The following HIP1 variants were observed in gnomAD, a reference collection of about 807,000 sequenced individuals.
The protein encoded by HIP1 is huntingtin-interacting protein 1.
In HIP1, 65 loss-of-function variants were observed where a neutral mutation model predicts 147.6. The observed-to-expected ratio is 0.44, with a 90% CI of 0.36 to 0.54. HIP1 has a LOEUF of 0.54. Ranked by LOEUF, HIP1 falls within the 20% of genes least tolerant of loss-of-function variation. The pLI is 0.00. For synonymous variants in HIP1, 479 were observed against 504.0 expected (o/e 0.95, Z 0.67); for missense variants, 1,061 against 1,299.6 (o/e 0.82, Z 2.82).
At chr7:75,638,095 GAC>G (rs1393011637) in intron 1 of HIP1, among the ~76,000 whole-genome samples, 2 of 145,330 alleles carry the variant, frequency 1.4e-5, no homozygotes, top group African/African-American at 5.1e-5. Context: ...AGACCCGCCT[GAC>G]ACACAGGCCC....
intron 1 of HIP1, among the ~76,000 whole-genome samples, chr7:75,690,226 T>A (rs1197178760): frequency 6.6e-6 from 1 of 151,118 alleles, no homozygotes; most frequent in Non-Finnish European, 1.5e-5. Context: ...CAGCAGGGGG[T>A]GGTGATTGCA....
chr7:75,669,387 A>G (rs1799668969), intron 1 of HIP1, among the ~76,000 whole-genome samples: 1 of 151,688 alleles, frequency 6.6e-6, no homozygotes, highest in African/African-American at 2.4e-5. Context: ...AAACAAAACA[A>G]AACAAAACAA....
chr7:75,547,899 G>C, intron 23 of HIP1, 86 bp from the exon 24 acceptor site: 2 of 1,232,438 alleles, frequency 1.6e-6, no homozygotes, highest in Non-Finnish European at 2.4e-6. Context: ...CCAACATCGT[G>C]TGGTAGCTGG....
intron 1 of HIP1, among the ~76,000 whole-genome samples, chr7:75,660,146 A>G (rs1320135172): frequency 6.7e-6 from 1 of 149,922 alleles, no homozygotes; most frequent in African/African-American, 2.5e-5. Context: ...CAAAACACAC[A>G]AAAAAACTCA....
chr7:75,650,453 C>CTTTTTTTTTTTTTTTTTTT (rs782108312), intron 1 of HIP1, among the ~76,000 whole-genome samples: 2 of 126,530 alleles, frequency 1.6e-5, no homozygotes, highest in African/African-American at 6.2e-5. Context: ...GCCCAGTTAT[C>CTTTTTTTTTTTTTTTTTTT]TTTTTTTTTT....
chr7:75,664,246 CTA>C (rs1260821022), intron 1 of HIP1, among the ~76,000 whole-genome samples: 1 of 137,102 alleles, frequency 7.3e-6, no homozygotes, highest in Non-Finnish European at 1.6e-5. Context: ...CATACACATA[CTA>C]TATACACACA....
chr7:75,601,673 A>T (rs1796981412), intron 1 of HIP1, among the ~76,000 whole-genome samples: 1 of 151,816 alleles, frequency 6.6e-6, no homozygotes, highest in Non-Finnish European at 1.5e-5. Context: ...GAATTCACCC[A>T]CTCTCATGCA....
At position 75,534,527 on chromosome 7, in the gene HIP1, G is replaced by A. The variant is rs1051924277; in HGVS notation, c.*3645C>T. 3.4e-5 allele frequency: 6 copies of A among 176,292 alleles called. No individual in the cohort carries two copies. The highest frequency in any genetic ancestry group is 7.2e-5 in the African/African-American group (3 of 41,888). 10.9% of individuals were successfully genotyped at this position (176,292 alleles called of 1,614,324 possible). On this transcript the variant is annotated 3_prime_UTR_variant, in exon 31 of 31. Transcript: ENST00000336926. ...TGGCTCACTACAACCTCTGTCCCCC[G>A]GGTTCAAGTGATTCTCCTGCCTCAG... is the stretch of plus-strand genomic sequence containing the variant.
intron 1 of HIP1, among the ~76,000 whole-genome samples, chr7:75,708,303 CT>C (rs1347430954): frequency 1.3e-5 from 2 of 151,994 alleles, no homozygotes; most frequent in African/African-American, 4.8e-5. Flanking sequence ...TGTAGGTTGC[CT>C]TTTTTAATGT....
intron 1 of HIP1, among the ~76,000 whole-genome samples, chr7:75,719,039 C>T (rs140572281): frequency 1.4e-4 from 22 of 152,108 alleles, no homozygotes; most frequent in African/African-American, 5.1e-4. Flanking sequence ...TAGAGCTGGC[C>T]TCATACAGTG....
At chr7:75,587,212 A>G (rs781788318) in intron 4 of HIP1, among the ~76,000 whole-genome samples, 2 of 152,110 alleles carry the variant, frequency 1.3e-5, no homozygotes, top group Non-Finnish European at 2.9e-5. Flanking sequence ...AAAGGCTAGG[A>G]TTACACTACA....
At chr7:75,664,185 C>CAT (rs1195310217) in intron 1 of HIP1, among the ~76,000 whole-genome samples, 6 of 98,364 alleles carry the variant, frequency 6.1e-5, no homozygotes, top group East Asian at 2.7e-4. Flanking sequence ...TATGTACATA[C>CAT]ATATATACAC....
chr7:75,587,235 C>A (rs989835723), intron 4 of HIP1, among the ~76,000 whole-genome samples: 2 of 152,152 alleles, frequency 1.3e-5, no homozygotes, highest in Non-Finnish European at 2.9e-5. Flanking sequence ...TGTGAGCCAC[C>A]ACGCCCAGCT....
At chr7:75,687,763 T>C (rs1800314890) in intron 1 of HIP1, among the ~76,000 whole-genome samples, 1 of 152,092 alleles carries the variant, frequency 6.6e-6, no homozygotes, top group African/African-American at 2.4e-5. Flanking sequence ...CTTTAAAGTC[T>C]CTTATGACCC....
At chr7:75,668,795 A>T (rs10226247) in intron 1 of HIP1, among the ~76,000 whole-genome samples, 86,230 of 151,800 alleles carry the variant, frequency 0.57, 24,961 homozygotes, top group African/African-American at 0.66. Context: ...ACATTTTTTT[A>T]AAACTGAGAT....
intron 1 of HIP1, among the ~76,000 whole-genome samples, chr7:75,665,713 G>A (rs1354563365): frequency 1.1e-4 from 17 of 152,132 alleles, no homozygotes; most frequent in African/African-American, 3.9e-4. Context: ...GCTAATTTTT[G>A]TATTTTCAGT....
intron 1 of HIP1, among the ~76,000 whole-genome samples, chr7:75,604,611 G>A (rs1185353555): frequency 6.6e-6 from 1 of 151,742 alleles, no homozygotes; most frequent in East Asian, 2.0e-4. Context: ...GGAGGCTGCA[G>A]TGAGCTGAGA....
Position 75,568,876 on chromosome 7 carries a change from GCA to G in HIP1, c.746-622_746-621del, listed in dbSNP as rs1554496040. ...ATACAGAAATTAGCCGGGCGCGGTG[GCA>G]TGCGCCTGTAATCCCAGCTACTTGG... On this transcript the variant is annotated intron_variant, in intron 8 of 30. Coordinates refer to ENST00000336926, the MANE Select transcript of HIP1 (RefSeq NM_005338.7). The surrounding 1 kb of genome is among the most constrained non-coding windows in gnomAD (Gnocchi z 4.1). 3.9e-3 allele frequency among the ~76,000 whole-genome samples: 594 copies of G among 152,356 alleles called. 3 individuals carry two copies. The highest frequency in any genetic ancestry group is 8.4e-3 in the Admixed American group (128 of 15,298).
At chr7:75,656,427 A>T (rs1554512643) in intron 1 of HIP1, among the ~76,000 whole-genome samples, 1 of 122,362 alleles carries the variant, frequency 8.2e-6, no homozygotes, top group Non-Finnish European at 1.7e-5. Flanking sequence ...CAAAACTATA[A>T]ACTTAGAAAA....
Sources: gnomAD v4.1 joint callset for allele counts (sites outside exome capture counted in the v4.1 genomes callset) on GRCh38, gnomAD v4.1.1 for gene constraint, Gnocchi (gnomAD v3.1) non-coding constraint, MANE v1.5 for transcripts, NCBI Gene and HGNC (gene_info 2026-07-23, HGNC 2026-07-21) for gene names.